Variants in TTC28 observed in about 807,000 individuals in gnomAD.
TTC28 encodes tetratricopeptide repeat domain 28.
In TTC28, 61 loss-of-function variants were observed where a neutral mutation model predicts 198.0. That is an observed-to-expected ratio of 0.31 (90% CI 0.25 to 0.38). The LOEUF (loss-of-function observed/expected upper bound fraction) is 0.38, where lower values mean the gene tolerates loss of function less well. Ranked by LOEUF, TTC28 falls within the 10% of genes least tolerant of loss-of-function variation. The pLI, the probability that TTC28 is intolerant of heterozygous loss-of-function variation, is 1.00. For missense variants in TTC28, 2,678 were observed against 3,164.0 expected, an observed-to-expected ratio of 0.85 and a Z score of 3.69; for synonymous variants, 1,171 against 1,297.8, an observed-to-expected ratio of 0.90 and a Z score of 2.10.
chr22:28,588,879 A>T (rs1416462464), intron 2 of TTC28, among the ~76,000 whole-genome samples: 1 of 152,148 alleles, frequency 6.6e-6, no homozygotes, highest in East Asian at 1.9e-4. Flanking sequence ...CTCAACAGGA[A>T]ACACCCCTTC....
At chr22:28,466,818 C>A (rs2048027286) in intron 2 of TTC28, among the ~76,000 whole-genome samples, 1 of 118,428 alleles carries the variant, frequency 8.4e-6, no homozygotes. Context: ...TATATACATA[C>A]ATACACACAC....
chr22:28,570,015 A>C (rs529097850), intron 2 of TTC28, among the ~76,000 whole-genome samples: 6 of 152,340 alleles, frequency 3.9e-5, no homozygotes, highest in Non-Finnish European at 7.4e-5. Flanking sequence ...ACCATCTCAC[A>C]CCAGTCAGAA....
intron 1 of TTC28, among the ~76,000 whole-genome samples, chr22:28,675,000 C>T (rs185283743): frequency 3.3e-4 from 50 of 152,090 alleles, no homozygotes; most frequent in African/African-American, 1.1e-3. Context: ...TACCAAGCTA[C>T]AGTAATGAAA....
At chr22:28,141,493 T>G (rs1601375569) in intron 6 of TTC28, among the ~76,000 whole-genome samples, 2 of 152,164 alleles carry the variant, frequency 1.3e-5, no homozygotes, top group African/African-American at 2.4e-5. Flanking sequence ...AAGGGAACAG[T>G]AAGAAAGCGG....
chr22:28,015,346 G>T (rs1938324225), intron 13 of TTC28, among the ~76,000 whole-genome samples: 1 of 149,738 alleles, frequency 6.7e-6, no homozygotes, highest in Non-Finnish European at 1.5e-5. Flanking sequence ...GACATTCTGT[G>T]CCTGATTACT....
chr22:28,635,814 G>C (rs939414306), intron 1 of TTC28, among the ~76,000 whole-genome samples: 2 of 151,972 alleles, frequency 1.3e-5, no homozygotes, highest in Non-Finnish European at 2.9e-5. Flanking sequence ...TGTGTACATG[G>C]TGAAAATACT....
At chr22:28,332,411 T>TG (rs2045631096) in intron 2 of TTC28, among the ~76,000 whole-genome samples, 1 of 151,962 alleles carries the variant, frequency 6.6e-6, no homozygotes, top group South Asian at 2.1e-4. Context: ...TAAAAGCCCT[T>TG]GAAAAAAAAG....
At chr22:28,449,284 T>G (rs1164712321) in intron 2 of TTC28, among the ~76,000 whole-genome samples, 2 of 152,206 alleles carry the variant, frequency 1.3e-5, no homozygotes, top group African/African-American at 4.8e-5. Flanking sequence ...CATGGAGGTA[T>G]AAAAGCATGA....
intron 2 of TTC28, among the ~76,000 whole-genome samples, chr22:28,499,715 T>A (rs1442354734): frequency 6.6e-6 from 1 of 152,204 alleles, no homozygotes; most frequent in Admixed American, 6.5e-5. Flanking sequence ...ATACATGAAT[T>A]AAGATAGCAT....
intron 2 of TTC28, among the ~76,000 whole-genome samples, chr22:28,450,128 A>G (rs2047758603): frequency 6.6e-6 from 1 of 152,208 alleles, no homozygotes; most frequent in African/African-American, 2.4e-5. Context: ...ATGGATAAAT[A>G]GAGCTATAAA....
intron 2 of TTC28, among the ~76,000 whole-genome samples, chr22:28,371,199 C>T (rs762439289): frequency 1.6e-4 from 24 of 151,808 alleles, no homozygotes; most frequent in Non-Finnish European, 3.2e-4. Flanking sequence ...CATTTGTTTC[C>T]ATACAAATTT....
At chr22:28,213,791 T>C (rs1927136654) in intron 5 of TTC28, among the ~76,000 whole-genome samples, 1 of 152,018 alleles carries the variant, frequency 6.6e-6, no homozygotes, top group Non-Finnish European at 1.5e-5. Flanking sequence ...TTAAAGTTCA[T>C]ATGGAACCAA....
chr22:28,351,185 GA>G (rs1305571375), intron 2 of TTC28, among the ~76,000 whole-genome samples: 3 of 144,018 alleles, frequency 2.1e-5, no homozygotes, highest in Non-Finnish European at 3.1e-5. Context: ...CTGTCTCAAA[GA>G]AAAAAAAAAG....
chr22:28,188,505 G>T (rs2147120446), intron 5 of TTC28, among the ~76,000 whole-genome samples: 1 of 152,208 alleles, frequency 6.6e-6, no homozygotes, highest in South Asian at 2.1e-4. Context: ...TATATAAAAA[G>T]CAACTTATAT....
At chr22:28,411,944 T>C (rs1457051341) in intron 2 of TTC28, among the ~76,000 whole-genome samples, 1 of 152,222 alleles carries the variant, frequency 6.6e-6, no homozygotes, top group African/African-American at 2.4e-5. Flanking sequence ...CCTACATCAA[T>C]GTTATTTCAA....
rs1224885979 is a variant in TTC28 at position 28,094,225 on chromosome 22, G to A, written c.3787C>T (p.His1263Tyr). 6.5e-7 allele frequency: 1 copy of A among 1,546,362 alleles called. No homozygotes were observed. Among genetic ancestry groups the A allele is most frequent in the Admixed American group, 2.0e-5 (1 of 49,590 alleles). The change falls in exon 12 of 23, where the codon CAC becomes TAC. Residue 1263 changes from histidine to tyrosine, a missense_variant. By Grantham distance (83) the His-to-Tyr change is moderately conservative. Around this residue, in one of 8 missense-constraint regions of TTC28, gnomAD observed 727 missense variants for 861.9 expected, o/e 0.84. Coordinates refer to ENST00000397906, the MANE Select transcript of TTC28 (RefSeq NM_001145418.2). ...PGAGIVKFHE[H>Y]YLGENTVENS... is the part of the protein sequence containing the mutation. ...TCCACTGTGTTCTCACCCAGGTAGTGTTCATGAAACTTCACAATTCCTGAA... is the reference window on the plus strand; with the variant it reads ...TCCACTGTGTTCTCACCCAGGTAGTATTCATGAAACTTCACAATTCCTGAA...
At chr22:28,416,058 C>T (rs2047163553) in intron 2 of TTC28, among the ~76,000 whole-genome samples, 2 of 152,120 alleles carry the variant, frequency 1.3e-5, no homozygotes, top group South Asian at 2.1e-4. Flanking sequence ...TCCAACATTT[C>T]GACATTAAAA....
intron 2 of TTC28, among the ~76,000 whole-genome samples, chr22:28,571,970 A>C (rs1397015661): frequency 1.3e-5 from 2 of 150,824 alleles, no homozygotes; most frequent in Non-Finnish European, 3.0e-5. Flanking sequence ...AAAAAAAAAC[A>C]AACAAAAAAA....
chr22:28,645,535 G>A (rs1171937895), intron 1 of TTC28, among the ~76,000 whole-genome samples: 1 of 151,418 alleles, frequency 6.6e-6, no homozygotes, highest in Non-Finnish European at 1.5e-5. Context: ...GCTGAGGCAG[G>A]AGAATTGCTT....
Sources: allele counts gnomAD v4.1 joint callset (sites outside exome capture counted in the v4.1 genomes callset), GRCh38; gene constraint gnomAD v4.1.1; regional missense constraint gnomAD v4.1.1; transcripts MANE v1.5; gene names NCBI Gene and HGNC (gene_info 2026-07-23, HGNC 2026-07-21).